TTC39C: variants seen among roughly 807,000 people sequenced by gnomAD.
TTC39C encodes the protein tetratricopeptide repeat domain 39C.
A neutral mutation model predicts 76.3 loss-of-function variants in TTC39C; 33 were observed. The ratio of observed to expected loss-of-function variants is 0.43; its 90% confidence interval spans 0.33 to 0.58. TTC39C has a LOEUF of 0.58. Ranked by LOEUF, TTC39C falls within the 20% of genes least tolerant of loss-of-function variation. The probability of loss-of-function intolerance (pLI) is 0.04; values close to 1 mark genes in which losing one functional copy is unlikely to be tolerated. For synonymous variants in TTC39C, 254 were observed against 260.6 expected (o/e 0.97, Z 0.24); for missense variants, 595 against 701.4 (o/e 0.85, Z 1.71).
intron 7 of TTC39C, 114 bp from the exon 8 acceptor site, chr18:24,118,011 G>A (rs149650093): frequency 2.5e-4 from 171 of 675,358 alleles, no homozygotes; most frequent in East Asian, 1.4e-3. Flanking sequence ...ACTTTTTTAC[G>A]CATTTCATAG....
chr18:24,076,461 T>C (rs1453111838), intron 4 of TTC39C, among the ~76,000 whole-genome samples: 1 of 151,916 alleles, frequency 6.6e-6, no homozygotes, highest in Non-Finnish European at 1.5e-5. Context: ...TGTCCTCTCA[T>C]GGAGCTGCTG....
At chr18:24,100,523 A>C (rs1162867649) in intron 6 of TTC39C, among the ~76,000 whole-genome samples, 1 of 152,212 alleles carries the variant, frequency 6.6e-6, no homozygotes, top group Non-Finnish European at 1.5e-5. Context: ...CAAGGCTTGG[A>C]GTGAGTGCCC....
At chr18:24,094,971 G>A (rs1238301208) in intron 6 of TTC39C, among the ~76,000 whole-genome samples, 1 of 152,218 alleles carries the variant, frequency 6.6e-6, no homozygotes, top group East Asian at 1.9e-4. Context: ...GACTTCTCAA[G>A]CTATGAAAAT....
At chr18:24,026,271 A>G (rs1306774997) in intron 1 of TTC39C, among the ~76,000 whole-genome samples, 1 of 152,202 alleles carries the variant, frequency 6.6e-6, no homozygotes, top group Non-Finnish European at 1.5e-5. Context: ...GCTTCCCAGG[A>G]AGTGAGCAAG....
chr18:24,045,738 C>T (rs1372851539), intron 1 of TTC39C, among the ~76,000 whole-genome samples: 1 of 151,260 alleles, frequency 6.6e-6, no homozygotes. Flanking sequence ...CATTTTAAAA[C>T]TATGCCTTAT....
intron 1 of TTC39C, among the ~76,000 whole-genome samples, chr18:24,063,514 C>CTTTT (rs541055847): frequency 1.5e-5 from 2 of 136,022 alleles, no homozygotes; most frequent in Non-Finnish European, 3.1e-5. Context: ...TTGTTTCTAC[C>CTTTT]TTTTTTTTTT....
At chr18:24,085,790 T>C (rs560876155) in intron 6 of TTC39C, among the ~76,000 whole-genome samples, 1 of 152,342 alleles carries the variant, frequency 6.6e-6, no homozygotes, top group South Asian at 2.1e-4. Context: ...GGTTATTTAG[T>C]GAGCTGTAGC....
At chr18:24,108,093 A>T (rs1012277809) in intron 6 of TTC39C, among the ~76,000 whole-genome samples, 1 of 152,260 alleles carries the variant, frequency 6.6e-6, no homozygotes, top group African/African-American at 2.4e-5. Context: ...GCAAATGCAC[A>T]TCAAAGCTAT....
At chr18:24,054,294 G>A (rs555067417) in intron 1 of TTC39C, among the ~76,000 whole-genome samples, 7 of 152,176 alleles carry the variant, frequency 4.6e-5, no homozygotes, top group East Asian at 1.9e-4. Context: ...GTATTGAATC[G>A]CCCCATTATT....
At chr18:24,027,480 A>T (rs780534318) in intron 1 of TTC39C, among the ~76,000 whole-genome samples, 7 of 151,674 alleles carry the variant, frequency 4.6e-5, no homozygotes, top group Non-Finnish European at 1.0e-4. Flanking sequence ...CTTGCAAATT[A>T]TGCTCACCCG....
At chr18:24,129,049 A>C (rs1488196225) in intron 11 of TTC39C, 66 bp downstream of exon 11, 10 of 1,290,740 alleles carry the variant, frequency 7.7e-6, no homozygotes, top group Non-Finnish European at 9.7e-6. Flanking sequence ...ATGCTTGTGA[A>C]TAAGAAAAAT....
chr18:24,113,613 C>T (rs1367034118), intron 6 of TTC39C: 10 of 702,148 alleles, frequency 1.4e-5, no homozygotes, highest in African/African-American at 8.7e-5. Flanking sequence ...ATGCATGCAC[C>T]GTTCAGAATA....
intron 6 of TTC39C, among the ~76,000 whole-genome samples, chr18:24,085,640 G>A (rs567841530): frequency 5.9e-5 from 9 of 152,258 alleles, no homozygotes; most frequent in Non-Finnish European, 1.0e-4. Context: ...CCACATTATA[G>A]CTCTTAGTAG....
chr18:24,091,189 A>G (rs981658242), intron 6 of TTC39C, among the ~76,000 whole-genome samples: 4 of 152,254 alleles, frequency 2.6e-5, no homozygotes, highest in African/African-American at 7.2e-5. Flanking sequence ...CAGTAGCTCA[A>G]TGCCTATAAT....
intron 2 of TTC39C, among the ~76,000 whole-genome samples, chr18:24,064,573 C>T (rs1028287218): frequency 6.6e-6 from 1 of 152,044 alleles, no homozygotes; most frequent in Admixed American, 6.6e-5. Flanking sequence ...AGCTAAAATT[C>T]GTCAGTTTGT....
intron 1 of TTC39C, among the ~76,000 whole-genome samples, chr18:24,052,984 A>G (rs2083971382): frequency 6.6e-6 from 1 of 152,198 alleles, no homozygotes; most frequent in African/African-American, 2.4e-5. Context: ...TTATTTTATA[A>G]TCTGATTTGT....
intron 6 of TTC39C, among the ~76,000 whole-genome samples, chr18:24,088,893 T>C (rs1389954984): frequency 6.6e-6 from 1 of 152,270 alleles, no homozygotes; most frequent in African/African-American, 2.4e-5. Context: ...GTTCTGTCTC[T>C]GGACCTTACT....
rs1461385169 is a variant in TTC39C, at chr18:24,014,882, C to T, written c.11C>T (p.Ser4Leu). 8 of 1,424,078 alleles carry T rather than the reference C, an allele frequency of 5.6e-6. No individual in the cohort carries two copies. Among genetic ancestry groups the T allele is most frequent in the African/African-American group, 1.5e-5 (1 of 65,774 alleles). 88.2% of individuals were successfully genotyped at this position (1,424,078 alleles called of 1,614,324 possible). The change falls in exon 1 of 14, where the codon TCG becomes TTG. Residue 4 changes from serine to leucine, a missense_variant. Ser to Leu is a moderately radical substitution (Grantham distance 145). Coordinates refer to ENST00000317571, the MANE Select transcript of TTC39C (RefSeq NM_001135993.2). Reference sequence around the variant, plus strand: ...GGGCCTCGCACGCCCATGGCCGGCTCGGAGCAGCAGCGGCCGCGGCGGCGG... The same window carrying T: ...GGGCCTCGCACGCCCATGGCCGGCTTGGAGCAGCAGCGGCCGCGGCGGCGG... MAG[S>L]EQQRPRRRDD...
intron 1 of TTC39C, among the ~76,000 whole-genome samples, chr18:24,059,917 C>G (rs768498757): frequency 6.6e-6 from 1 of 152,180 alleles, no homozygotes; most frequent in African/African-American, 2.4e-5. Context: ...TGCATGGCAG[C>G]AGGCAAAGAG....
Sources: gnomAD v4.1 joint callset for allele counts (sites outside exome capture counted in the v4.1 genomes callset) on GRCh38, gnomAD v4.1.1 for gene constraint, MANE v1.5 for transcripts, NCBI Gene and HGNC (gene_info 2026-07-23, HGNC 2026-07-21) for gene names.